The following TCTN1 variants were observed in gnomAD, a reference collection of about 807,000 sequenced individuals.
The protein encoded by TCTN1 is tectonic-1.
TCTN1 carries 58 observed loss-of-function variants against 65.8 expected under a neutral mutation model. That is an observed-to-expected ratio of 0.88 (90% CI 0.71 to 1.10). The LOEUF (loss-of-function observed/expected upper bound fraction) is 1.10. Ranked by LOEUF, TCTN1 falls within the 50% of genes least tolerant of loss-of-function variation. The pLI is 0.00. For synonymous variants in TCTN1, 273 were observed against 289.1 expected (o/e 0.94, Z 0.57); for missense variants, 645 against 719.4 (o/e 0.90, Z 1.18).
chr12:110,641,651 G>A, intron 10 of TCTN1, 24 bp downstream of exon 10: 6 of 1,603,678 alleles, frequency 3.7e-6, no homozygotes, highest in Non-Finnish European at 3.4e-6. Context: ...TTCTGTAGAG[G>A]GTGGATTTAT....
chr12:110,622,579 TGA>T (rs1249865938), intron 2 of TCTN1, among the ~76,000 whole-genome samples: 1 of 151,926 alleles, frequency 6.6e-6, no homozygotes, highest in Non-Finnish European at 1.5e-5. Context: ...CAGCATGGAC[TGA>T]GGGGAAGGGC....
At position 110,647,185 on chromosome 12, in the gene TCTN1, T is replaced by C. The variant is rs2067382785; in HGVS notation, c.1495-11T>C. 1.2e-6 allele frequency: 2 copies of C among 1,614,138 alleles called. No individual in the cohort carries two copies. The highest frequency in any genetic ancestry group is 1.1e-5 in the South Asian group (1 of 91,096). The stretch of plus-strand genomic sequence containing the variant: ...GACTTGCAGTTTTGTAAGATTCTAA[T>C]GGATTAACAGCATTTTGTTTTGCAG... On this transcript the variant is annotated splice_polypyrimidine_tract_variant and intron_variant, in intron 12 of 14. Transcript: ENST00000397659.
chr12:110,626,614 C>A lies in TCTN1; in HGVS notation c.472+122C>A, dbSNP rs537985309. The stretch of plus-strand genomic sequence containing the variant: ...GGTTTTTTTGAGACAGAGTCTTGCT[C>A]TGTCACCCAGGCTGGCGTGCAGTGG... On this transcript the variant is annotated intron_variant, in intron 3 of 14. Coordinates refer to ENST00000397659, the MANE Select transcript of TCTN1 (RefSeq NM_001082538.3). The A allele has an allele frequency of 1.4e-5, 15 of 1,101,526 alleles. No homozygotes were observed. In the South Asian group the frequency reaches 1.6e-4, roughly 12 times the overall value. The allele number at this position is 1,101,526 out of a possible 1,614,324, so 68.2% of individuals were successfully genotyped here.
rs866049207 is a variant in TCTN1, at chr12:110,644,577, C to T, written c.1332-390C>T. The T allele has an allele frequency of 5.3e-4, 158 of 296,200 alleles. 3 individuals carry two copies. The highest frequency in any genetic ancestry group is 3.5e-3 in the South Asian group (116 of 33,252). 18.3% of individuals were successfully genotyped at this position (296,200 alleles called of 1,614,324 possible). ...CCTGTAGTCCCAGCTACTCAGGAGG[C>T]TGAGGCAGGAGAATCACTTGAACCT... is the stretch of plus-strand genomic sequence containing the variant. On this transcript the variant is annotated intron_variant, in intron 11 of 14. Transcript: ENST00000397659. The surrounding 1 kb of genome is among the most constrained non-coding windows in gnomAD (Gnocchi z 4.6).
chr12:110,615,703 C>CA (rs980803422), intron 1 of TCTN1, among the ~76,000 whole-genome samples: 1 of 152,122 alleles, frequency 6.6e-6, no homozygotes, highest in Non-Finnish European at 1.5e-5. Flanking sequence ...AGGCTGATCT[C>CA]AAACTCCTGG....
At chr12:110,618,275 C>T (rs2065184217) in intron 1 of TCTN1, among the ~76,000 whole-genome samples, 1 of 151,648 alleles carries the variant, frequency 6.6e-6, no homozygotes, top group African/African-American at 2.4e-5. Flanking sequence ...GAGTCTCGCT[C>T]TGTCGCCCAG....
chr12:110,640,466 G>A lies in TCTN1; in HGVS notation c.927G>A (p.Pro309=), dbSNP rs777373658. Residue 309 remains proline (P), a synonymous_variant, in exon 8 of 15, where the codon CCG becomes CCA. Coordinates refer to ENST00000397659, the MANE Select transcript of TCTN1 (RefSeq NM_001082538.3). This position sits in a 1 kb window ranked among gnomAD's most constrained non-coding sequence, Gnocchi z 4.9. ...TRREDTDVLQ[P]TLVNAGHFSL... ...GGGAGGACACTGATGTGCTGCAGCC[G>A]ACTCTCGTCAACGCTGGACACTTTA... The A allele has an allele frequency of 9.3e-6, 15 of 1,614,096 alleles. No individual in the cohort carries two copies. The Admixed American group carries it at 1.2e-4, about 13-fold the overall frequency.
chr12:110,619,375 G>A (rs2065264125), intron 1 of TCTN1, among the ~76,000 whole-genome samples: 1 of 152,142 alleles, frequency 6.6e-6, no homozygotes, highest in African/African-American at 2.4e-5. Context: ...AGATTGAAAA[G>A]TCTCTTTCCT....
At chr12:110,627,957 G>A in intron 3 of TCTN1, 1 of 1,302,090 alleles carries the variant, frequency 7.7e-7, no homozygotes, top group South Asian at 1.3e-5. Context: ...TTTGTAATCT[G>A]AAGTGATAAC....
intron 12 of TCTN1, chr12:110,646,518 G>A (rs1333194919): frequency 3.3e-5 from 5 of 152,972 alleles, no homozygotes; most frequent in Non-Finnish European, 5.8e-5. Flanking sequence ...AGACTGCCAA[G>A]GCAGGAAAAA....
intron 5 of TCTN1, among the ~76,000 whole-genome samples, chr12:110,633,217 C>A (rs2066344374): frequency 6.6e-6 from 1 of 152,180 alleles, no homozygotes; most frequent in African/African-American, 2.4e-5. Context: ...CTTGGCTCTC[C>A]CATCCCCAAG....
chr12:110,623,075 A>G (rs895203109), intron 2 of TCTN1, among the ~76,000 whole-genome samples: 2 of 152,170 alleles, frequency 1.3e-5, no homozygotes, highest in African/African-American at 4.8e-5. Flanking sequence ...GTGGTCGTCC[A>G]TCCCTGCTCC....
At chr12:110,647,025 G>GA (rs757094796) in intron 12 of TCTN1, 171 bp from the exon 13 acceptor site, 1 of 728,610 alleles carries the variant, frequency 1.4e-6, no homozygotes, top group Non-Finnish European at 2.2e-6. Flanking sequence ...TTGGGGCATT[G>GA]AGTTACTTTA....
intron 2 of TCTN1, 66 bp downstream of exon 2, chr12:110,620,022 G>T: frequency 6.2e-7 from 1 of 1,611,560 alleles, no homozygotes; most frequent in South Asian, 1.1e-5. Context: ...TTTGGAGAAA[G>T]GGAAAACTTT....
chr12:110,622,838 G>A (rs1025249200), intron 2 of TCTN1, among the ~76,000 whole-genome samples: 1 of 152,240 alleles, frequency 6.6e-6, no homozygotes, highest in East Asian at 1.9e-4. Context: ...ATCATATGCA[G>A]TGGATCACAA....
intron 7 of TCTN1, among the ~76,000 whole-genome samples, chr12:110,638,715 T>C (rs1376087434): frequency 6.6e-6 from 1 of 152,240 alleles, no homozygotes; most frequent in Non-Finnish European, 1.5e-5. Flanking sequence ...CTTCGGTTTT[T>C]GCCAATTCCA....
chr12:110,634,843 A>G, intron 6 of TCTN1, 64 bp downstream of exon 6: 1 of 1,268,468 alleles, frequency 7.9e-7, no homozygotes, highest in Non-Finnish European at 1.1e-6. Flanking sequence ...TGCGCTTTTA[A>G]AATATGACAA....
chr12:110,641,270 C>A, intron 9 of TCTN1, 121 bp downstream of exon 9: 1 of 1,349,746 alleles, frequency 7.4e-7, no homozygotes, highest in Non-Finnish European at 1.0e-6. Flanking sequence ...GAACAGAGGG[C>A]TTTGTGTAGC....
intron 1 of TCTN1, among the ~76,000 whole-genome samples, chr12:110,617,938 C>T (rs1197549403): frequency 2.6e-5 from 4 of 151,960 alleles, no homozygotes; most frequent in South Asian, 2.1e-4. Flanking sequence ...TGCATCCGGC[C>T]GCTGTGGGGT....
Sources: allele counts gnomAD v4.1 joint callset (sites outside exome capture counted in the v4.1 genomes callset), GRCh38; gene constraint gnomAD v4.1.1; non-coding constraint Gnocchi (gnomAD v3.1); transcripts MANE v1.5; gene names NCBI Gene and HGNC (gene_info 2026-07-23, HGNC 2026-07-21).